The following TMEM131 variants were observed in gnomAD, a reference collection of about 807,000 sequenced individuals.
TMEM131 encodes 2610524E03Rik.
A neutral mutation model predicts 211.6 loss-of-function variants in TMEM131; 66 were observed. The ratio of observed to expected loss-of-function variants is 0.31; its 90% CI spans 0.26 to 0.38. TMEM131 has a LOEUF of 0.38. Among genes scored for constraint, TMEM131 ranks in the 10% least tolerant of loss-of-function variants. TMEM131 has a pLI of 1.00. For missense variants in TMEM131, 2,036 were observed against 2,299.3 expected, an observed-to-expected ratio of 0.89 and a Z score of 2.34; for synonymous variants, 844 against 841.3, an observed-to-expected ratio of 1.00 and a Z score of -0.06.
intron 3 of TMEM131, among the ~76,000 whole-genome samples, chr2:97,898,934 T>C (rs747691655): frequency 2.6e-4 from 40 of 152,188 alleles, no homozygotes; most frequent in Non-Finnish European, 5.6e-4. Context: ...ATGTAGTGTT[T>C]AATAAATACC....
chr2:97,895,084 G>T (rs929295131), intron 3 of TMEM131, among the ~76,000 whole-genome samples: 5 of 152,122 alleles, frequency 3.3e-5, no homozygotes, highest in African/African-American at 9.7e-5. Context: ...GCATGAAGGG[G>T]TGTTGAATTT....
intron 3 of TMEM131, among the ~76,000 whole-genome samples, chr2:97,907,550 T>C (rs1676124567): frequency 6.6e-6 from 1 of 152,180 alleles, no homozygotes; most frequent in Non-Finnish European, 1.5e-5. Flanking sequence ...CTGTTCCTGC[T>C]ACATCAGAAT....
chr2:97,860,373 C>T (rs1047117712), intron 4 of TMEM131, among the ~76,000 whole-genome samples: 3 of 152,150 alleles, frequency 2.0e-5, no homozygotes, highest in African/African-American at 7.2e-5. Flanking sequence ...AATCCAAACC[C>T]TCATTTCTAA....
chr2:97,806,507 C>T (rs1681304633), intron 19 of TMEM131, among the ~76,000 whole-genome samples: 1 of 152,188 alleles, frequency 6.6e-6, no homozygotes, highest in African/African-American at 2.4e-5. Flanking sequence ...TACCACGGCA[C>T]TCCAGCCTGG....
At chr2:97,943,045 G>GA (rs767704233) in intron 1 of TMEM131, among the ~76,000 whole-genome samples, 2,813 of 52,354 alleles carry the variant, frequency 0.054, 111 homozygotes, top group African/African-American at 0.1. Context: ...AGAAAAGAAA[G>GA]AAAGAAAGAA....
intron 11 of TMEM131, among the ~76,000 whole-genome samples, chr2:97,832,905 G>C (rs1200560998): frequency 1.3e-5 from 2 of 152,162 alleles, no homozygotes; most frequent in African/African-American, 4.8e-5. Context: ...CTGCTAGTTA[G>C]GGAGCCTGTG....
intron 1 of TMEM131, among the ~76,000 whole-genome samples, chr2:97,989,778 G>C (rs1024272875): frequency 6.6e-6 from 1 of 152,098 alleles, no homozygotes; most frequent in Non-Finnish European, 1.5e-5. Context: ...AATGGCAAAG[G>C]CTTTCTAGAA....
At chr2:97,800,392 T>C (rs112352123) in intron 25 of TMEM131, among the ~76,000 whole-genome samples, 1 of 152,152 alleles carries the variant, frequency 6.6e-6, no homozygotes, top group African/African-American at 2.4e-5. Flanking sequence ...TGGCTTGTAG[T>C]TAATAAAATA....
chr2:97,797,330 T>G, intron 26 of TMEM131, 35 bp downstream of exon 26: 1 of 1,532,042 alleles, frequency 6.5e-7, no homozygotes. Context: ...AAGTAAGTAG[T>G]AAAAATGAAC....
At chr2:97,985,681 G>A (rs1002522870) in intron 1 of TMEM131, among the ~76,000 whole-genome samples, 6 of 149,860 alleles carry the variant, frequency 4.0e-5, no homozygotes, top group Non-Finnish European at 8.9e-5. Context: ...ACATATACAT[G>A]AGAAAAAAAA....
chr2:97,871,253 C>G (rs563055459), intron 4 of TMEM131, among the ~76,000 whole-genome samples: 11 of 152,334 alleles, frequency 7.2e-5, no homozygotes, highest in Non-Finnish European at 1.3e-4. Context: ...TAAGAGAAAT[C>G]TGACATAGTT....
intron 3 of TMEM131, among the ~76,000 whole-genome samples, chr2:97,890,480 A>G (rs550409402): frequency 6.6e-6 from 1 of 152,344 alleles, no homozygotes; most frequent in East Asian, 1.9e-4. Context: ...CAGTCATGAC[A>G]TGGGAGGAGT....
intron 1 of TMEM131, among the ~76,000 whole-genome samples, chr2:97,991,224 T>A (rs1485127250): frequency 1.3e-5 from 2 of 152,184 alleles, no homozygotes; most frequent in African/African-American, 4.8e-5. Flanking sequence ...AGGTGAAGAA[T>A]GACACCCCTG....
At chr2:97,812,389 T>A in intron 17 of TMEM131, 32 bp downstream of exon 17, 1 of 1,580,012 alleles carries the variant, frequency 6.3e-7, no homozygotes, top group Non-Finnish European at 8.6e-7. Flanking sequence ...ACATCCATCT[T>A]ACTTTAAGGA....
chr2:97,839,123 T>C (rs986969917), intron 7 of TMEM131, among the ~76,000 whole-genome samples: 4 of 152,128 alleles, frequency 2.6e-5, no homozygotes, highest in East Asian at 1.9e-4. Context: ...CCAGGAGTTG[T>C]AGGCCAGCCT....
At chr2:97,945,519 A>G (rs1677992756) in intron 1 of TMEM131, among the ~76,000 whole-genome samples, 1 of 152,194 alleles carries the variant, frequency 6.6e-6, no homozygotes, top group South Asian at 2.1e-4. Context: ...TCTATTCCCT[A>G]AATCTTTTCT....
At chr2:97,811,314 T>C in intron 17 of TMEM131, 82 bp from the exon 18 acceptor site, 1 of 971,984 alleles carries the variant, frequency 1.0e-6, no homozygotes, top group South Asian at 1.3e-5. Context: ...GGTGTAGCGA[T>C]AAAATGACTA....
rs779189031 is a variant in TMEM131, at chr2:97,943,007, GAAAGA to G, written c.188-15525_188-15521del. Among the ~76,000 whole-genome samples, 113 of 63,084 alleles carry G rather than the reference GAAAGA, an allele frequency of 1.8e-3. 3 individuals carry two copies. The highest frequency in any genetic ancestry group is 9.9e-3 in the East Asian group (22 of 2,222). 41.4% of individuals were successfully genotyped at this position (63,084 alleles called of 152,430 possible). A position where few individuals can be genotyped will look rare whatever the true frequency, so the allele number is the denominator to read the frequency against. The stretch of plus-strand genomic sequence containing the variant: ...AAGAAAAGAAAGAAAAGAAAGAAAA[GAAAGA>G]AAAGAAAAGAAAAGAAAAGAAAAGA... On this transcript the variant is annotated intron_variant, in intron 1 of 40. Transcript: ENST00000186436.
intron 31 of TMEM131, among the ~76,000 whole-genome samples, chr2:97,783,148 G>C (rs552195927): frequency 2.0e-5 from 3 of 152,016 alleles, no homozygotes; most frequent in African/African-American, 4.8e-5. Flanking sequence ...TAGAAACCAC[G>C]GAGGCTAAAA....
Sources: allele counts gnomAD v4.1 joint callset (sites outside exome capture counted in the v4.1 genomes callset), GRCh38; gene constraint gnomAD v4.1.1; transcripts MANE v1.5; gene names NCBI Gene and HGNC (gene_info 2026-07-23, HGNC 2026-07-21).